Variants in PUS7L observed in about 807,000 individuals in gnomAD.
The protein encoded by PUS7L is pseudouridine synthase 7 like, also known as pseudouridylate synthase PUS7L.
In PUS7L, 49 loss-of-function variants were observed where a neutral mutation model predicts 51.1. The ratio of observed to expected loss-of-function variants is 0.96; its 90% CI spans 0.76 to 1.22. The LOEUF (loss-of-function observed/expected upper bound fraction) is 1.22. Ranked by LOEUF, PUS7L falls within the 50% of genes most tolerant of loss-of-function variation. The probability of loss-of-function intolerance (pLI) is 0.00; values close to 1 mark genes in which losing one functional copy is unlikely to be tolerated. For missense variants in PUS7L, 828 were observed against 820.6 expected (o/e 1.01, Z -0.11); for synonymous variants, 277 against 276.2 (o/e 1.00, Z -0.03).
intron 3 of PUS7L, 132 bp downstream of exon 3, chr12:43,748,316 CAT>C (rs1938270202): frequency 1.9e-6 from 1 of 530,380 alleles, no homozygotes; most frequent in South Asian, 4.6e-5. Context: ...ATTAGGAAAA[CAT>C]GATTTATGAG....
chr12:43,726,542 T>C lies in PUS7L; in HGVS notation c.*3834A>G, dbSNP rs1944457278. On this transcript the variant is annotated 3_prime_UTR_variant, in exon 9 of 9. Coordinates refer to ENST00000344862, the MANE Select transcript of PUS7L (RefSeq NM_031292.5). ...TGGAACAAAGCCAATAATTGACAAG[T>C]GAAGGCTGGGCATGGTGGCTCATGC... 1 of 152,132 alleles carries C rather than the reference T, an allele frequency of 6.6e-6. No individual in the cohort carries two copies. The highest frequency in any genetic ancestry group is 1.5e-5 in the Non-Finnish European group (1 of 68,076). 9.4% of individuals were successfully genotyped at this position (152,132 alleles called of 1,614,324 possible).
intron 2 of PUS7L, among the ~76,000 whole-genome samples, chr12:43,751,345 C>A: frequency 1.6e-5 from 2 of 124,824 alleles, no homozygotes; most frequent in African/African-American, 5.9e-5. Flanking sequence ...TATCCCTCCC[C>A]CCTCCCCCCA....
Position 43,727,413 on chromosome 12 carries a change from A to G in PUS7L, c.*2963T>C, listed in dbSNP as rs932726072. On this transcript the variant is annotated 3_prime_UTR_variant, in exon 9 of 9. Coordinates refer to ENST00000344862, the MANE Select transcript of PUS7L (RefSeq NM_031292.5). ...TGTTCATTACAGCACTATTGACAAT[A>G]GCAAAGACATGGAACCAACCTAGAT... 1 of 152,258 alleles carries G rather than the reference A, an allele frequency of 6.6e-6. No homozygotes were observed. Among genetic ancestry groups the G allele is most frequent in the African/African-American group, 2.4e-5 (1 of 41,464 alleles). The allele number at this position is 152,258 out of a possible 1,614,324, so 9.4% of individuals were successfully genotyped here. A position where few individuals can be genotyped will look rare whatever the true frequency, so the allele number is the denominator to read the frequency against.
chr12:43,752,081 G>T (rs1242391675), intron 2 of PUS7L, among the ~76,000 whole-genome samples: 1 of 152,056 alleles, frequency 6.6e-6, no homozygotes, highest in Non-Finnish European at 1.5e-5. Context: ...TGAGTTCTTT[G>T]TAGATTCTGG....
intron 2 of PUS7L, among the ~76,000 whole-genome samples, chr12:43,753,568 G>A (rs958432618): frequency 1.3e-5 from 2 of 152,094 alleles, no homozygotes; most frequent in African/African-American, 4.8e-5. Flanking sequence ...TATTAAATAT[G>A]ATCATCTGAA....
In PUS7L at chr12:43,754,458, GAA is replaced by G; in HGVS notation, c.786_787del (p.Ser263Ter). On this transcript the variant is annotated frameshift_variant, in exon 2 of 9. Coordinates refer to ENST00000344862, the MANE Select transcript of PUS7L (RefSeq NM_031292.5). LOFTEE classifies it high-confidence loss of function. ...ATTACCAGCACTGCAATTCATTTTA[GAA>G]AAAGATTTGGTTTCCACAAGGTTTC... is the stretch of plus-strand genomic sequence containing the variant. 6.2e-7 allele frequency: 1 copy of G among 1,613,774 alleles called. No individual in the cohort carries two copies. Among genetic ancestry groups the G allele is most frequent in the Non-Finnish European group, 8.5e-7 (1 of 1,179,738 alleles).
intron 1 of PUS7L, chr12:43,758,338 C>T: frequency 6.1e-6 from 6 of 985,464 alleles, no homozygotes; most frequent in Non-Finnish European, 7.2e-6. Flanking sequence ...GTGCAGTATT[C>T]CCATTCAACA....
At position 43,730,214 on chromosome 12, in the gene PUS7L, C is replaced by T; in HGVS notation, c.*162G>A. 1.6e-6 allele frequency: 1 copy of T among 607,554 alleles called. No homozygotes were observed. The highest frequency in any genetic ancestry group is 2.2e-5 in the South Asian group (1 of 46,194). 37.6% of individuals were successfully genotyped at this position (607,554 alleles called of 1,614,324 possible). A position where few individuals can be genotyped will look rare whatever the true frequency, so the allele number is the denominator to read the frequency against. ...ATTTGGACCCTGACACTTACATATC[C>T]TCTATAAAATTACAGTATCAAATCC... On this transcript the variant is annotated 3_prime_UTR_variant, in exon 9 of 9. Coordinates refer to ENST00000344862, the MANE Select transcript of PUS7L (RefSeq NM_031292.5).
At position 43,754,949 on chromosome 12, in the gene PUS7L, T is replaced by C. The variant is rs374974876; in HGVS notation, c.297A>G (p.Gln99=). 13 of 1,613,698 alleles carry C rather than the reference T, an allele frequency of 8.1e-6. No individual in the cohort carries two copies. The highest frequency in any genetic ancestry group is 1.1e-5 in the Non-Finnish European group (13 of 1,179,774). ...HTLIKYTDGD[Q]NHQSGSEKED... ...CCTTTTCTGAACCAGACTGATGATTTTGGTCACCATCAGTGTACTTAATCA... is the reference window on the plus strand; with the variant it reads ...CCTTTTCTGAACCAGACTGATGATTCTGGTCACCATCAGTGTACTTAATCA... Residue 99 remains glutamine (Q), a synonymous_variant, in exon 2 of 9, where the codon CAA becomes CAG. Coordinates refer to ENST00000344862, the MANE Select transcript of PUS7L (RefSeq NM_031292.5).
rs756112362 is a variant in PUS7L, at chr12:43,754,587, T to C, written c.659A>G (p.Lys220Arg). 4 of 1,610,256 alleles carry C rather than the reference T, an allele frequency of 2.5e-6. No individual in the cohort carries two copies. The highest frequency in any genetic ancestry group is 3.4e-6 in the Non-Finnish European group (4 of 1,178,838). The change falls in exon 2 of 9, where the codon AAA becomes AGA. Residue 220 changes from lysine (K) to arginine (R), a missense_variant. Coordinates refer to ENST00000344862, the MANE Select transcript of PUS7L (RefSeq NM_031292.5). The stretch of plus-strand genomic sequence containing the variant: ...ATTTTCTTTCTTTGCATCCAAATAT[T>C]TAAAAAAGTCAAATGCTTCCTCTTC... ...VSEEEAFDFF[K>R]YLDAKKENSK...
At chr12:43,745,928 A>G (rs1938145334) in intron 4 of PUS7L, 118 bp downstream of exon 4, 1 of 538,172 alleles carries the variant, frequency 1.9e-6, no homozygotes, top group Non-Finnish European at 3.2e-6. Flanking sequence ...ATAATTAATC[A>G]CTTTTAAAAA....
chr12:43,750,778 AGT>A (rs1938403448), intron 2 of PUS7L, among the ~76,000 whole-genome samples: 1 of 152,232 alleles, frequency 6.6e-6, no homozygotes, highest in Non-Finnish European at 1.5e-5. Flanking sequence ...TCTGCCTAGA[AGT>A]ACATTCTGGA....
Position 43,746,098 on chromosome 12 carries a change from T to C in PUS7L, c.1211A>G (p.Asn404Ser), listed in dbSNP as rs1314345625. The change falls in exon 4 of 9, where the codon AAT (asparagine) becomes AGT (serine). Residue 404 changes from asparagine (N) to serine (S), a missense_variant. Asn to Ser is a conservative substitution (Grantham distance 46, BLOSUM62 1). Transcript: ENST00000344862. The stretch of plus-strand genomic sequence containing the variant: ...TCTCTCCCTCAGGTTTGCAGAATCA[T>C]TTATTTGTTTTTTTAAATTTCTAAT... ...IVIRNLKKQINDSANLRERIM... is the reference protein window; with the variant it reads ...IVIRNLKKQISDSANLRERIM... 6.5e-7 allele frequency: 1 copy of C among 1,534,318 alleles called. No homozygotes were observed. Among genetic ancestry groups the C allele is most frequent in the South Asian group, 1.2e-5 (1 of 86,332 alleles).
chr12:43,749,714 C>T (rs747723302), intron 2 of PUS7L, among the ~76,000 whole-genome samples: 6 of 152,082 alleles, frequency 3.9e-5, no homozygotes, highest in Non-Finnish European at 5.9e-5. Flanking sequence ...TACTACACAG[C>T]CACTAAAAAG....
chr12:43,745,804 C>T (rs1232413210), intron 4 of PUS7L, among the ~76,000 whole-genome samples: 1 of 144,536 alleles, frequency 6.9e-6, no homozygotes, highest in Non-Finnish European at 1.6e-5. Context: ...CTGGAGGACA[C>T]CATATCCTGC....
Position 43,754,449 on chromosome 12 carries a change from T to A in PUS7L, c.797A>T (p.Asn266Ile), listed in dbSNP as rs1412945507. 1 of 1,613,904 alleles carries A rather than the reference T, an allele frequency of 6.2e-7. No homozygotes were observed. Among genetic ancestry groups the A allele is most frequent in the South Asian group, 1.1e-5 (1 of 91,058 alleles). Residue 266 changes from asparagine (N) to isoleucine (I), a missense_variant, in exon 2 of 9, where the codon AAT (asparagine) becomes ATT (isoleucine). Coordinates refer to ENST00000344862, the MANE Select transcript of PUS7L (RefSeq NM_031292.5). ...LVETKSFSKM[N>I]CSAGNPNVVV... Reference sequence around the variant, plus strand: ...CACATTCGGATTACCAGCACTGCAATTCATTTTAGAAAAAGATTTGGTTTC... The same window carrying A: ...CACATTCGGATTACCAGCACTGCAAATCATTTTAGAAAAAGATTTGGTTTC...
chr12:43,725,883 ATGGATTAAAG>A lies in PUS7L; in HGVS notation c.*4483_*4492del, dbSNP rs1944448233. ...TAATACCTCCACACAGGGTGGGAAT[ATGGATTAAAG>A]TGTGAGATACTGACATAATAGATAC... On this transcript the variant is annotated 3_prime_UTR_variant, in exon 9 of 9. Coordinates refer to ENST00000344862, the MANE Select transcript of PUS7L (RefSeq NM_031292.5). 1 of 152,146 alleles carries A rather than the reference ATGGATTAAAG, an allele frequency of 6.6e-6. No individual in the cohort carries two copies. The allele number at this position is 152,146 out of a possible 1,614,324, so 9.4% of individuals were successfully genotyped here.
Position 43,723,076 on chromosome 12 carries a change from T to C in PUS7L, c.*7300A>G, listed in dbSNP as rs962663681. 3 of 152,250 alleles carry C rather than the reference T, an allele frequency of 2.0e-5. No individual in the cohort carries two copies. The highest frequency in any genetic ancestry group is 2.9e-5 in the Non-Finnish European group (2 of 67,960). The allele number at this position is 152,250 out of a possible 1,614,324, so 9.4% of individuals were successfully genotyped here. ...TTCTAACAAAAAAGACAATTTAATA[T>C]ATCTTATATTTTGTAATATGTTCTA... On this transcript the variant is annotated 3_prime_UTR_variant, in exon 9 of 9. Coordinates refer to ENST00000344862, the MANE Select transcript of PUS7L (RefSeq NM_031292.5).
At chr12:43,741,747 G>A (rs1161639909) in intron 5 of PUS7L, among the ~76,000 whole-genome samples, 1 of 152,158 alleles carries the variant, frequency 6.6e-6, no homozygotes, top group African/African-American at 2.4e-5. Context: ...TATTTGATAT[G>A]TAAGATGATG....
Sources: allele counts gnomAD v4.1 joint callset (sites outside exome capture counted in the v4.1 genomes callset), GRCh38; gene constraint gnomAD v4.1.1; transcripts MANE v1.5; gene names NCBI Gene and HGNC (gene_info 2026-07-23, HGNC 2026-07-21).